Variants in DSCAML1 observed in about 807,000 individuals in gnomAD.
DSCAML1 encodes cell adhesion molecule DSCAML1.
Under a neutral mutation model 200.5 loss-of-function variants are expected in DSCAML1, and 38 were observed. That is an observed-to-expected ratio of 0.19 (90% confidence interval 0.15 to 0.25). DSCAML1 has a LOEUF of 0.25. Among genes scored for constraint, DSCAML1 ranks in the 10% least tolerant of loss-of-function variants. The probability of loss-of-function intolerance (pLI) is 1.00; values close to 1 mark genes in which losing one functional copy is unlikely to be tolerated. For synonymous variants in DSCAML1, 1,215 were observed against 1,165.0 expected, an observed-to-expected ratio of 1.04 and a Z score of -0.87; for missense variants, 2,223 against 2,858.8, an observed-to-expected ratio of 0.78 and a Z score of 5.07.
rs573934930 is a variant in DSCAML1, at chr11:117,713,345, A to G, written c.511+63446T>C. 6.4e-4 allele frequency among the ~76,000 whole-genome samples: 97 copies of G among 152,070 alleles called. 1 individual carries two copies. The highest frequency in any genetic ancestry group is 2.3e-3 in the African/African-American group (94 of 41,514). On this transcript the variant is annotated intron_variant, in intron 3 of 32. Coordinates refer to ENST00000651296, the MANE Select transcript of DSCAML1 (RefSeq NM_020693.4). ...TGGCCAGGCTGGTCTTGAATGCTTG[A>G]CCTCAGGTAATCCACCCGCCTTGAC...
At chr11:117,719,493 G>A (rs1029795994) in intron 3 of DSCAML1, among the ~76,000 whole-genome samples, 20 of 152,316 alleles carry the variant, frequency 1.3e-4, no homozygotes, top group African/African-American at 4.3e-4. Flanking sequence ...GGTTAGGTAC[G>A]TTGACCAAGA....
chr11:117,512,366 C>T (rs894208453), intron 8 of DSCAML1, among the ~76,000 whole-genome samples: 10 of 152,086 alleles, frequency 6.6e-5, no homozygotes, highest in Non-Finnish European at 1.3e-4. Context: ...CTTGGAACAG[C>T]GCATCCGCTA....
In DSCAML1 at chr11:117,656,194, C is replaced by T. The variant is rs184963637; in HGVS notation, c.511+120597G>A. ...CAGAGTTTGCAATGAGCCAAGATCA[C>T]GCCACTGCACTCCAGCCTGGGCGAC... On this transcript the variant is annotated intron_variant, in intron 3 of 32. Transcript: ENST00000651296. Among the ~76,000 whole-genome samples the T allele has an allele frequency of 2.7e-3, 407 of 152,332 alleles. 4 individuals carry two copies. Among genetic ancestry groups the T allele is most frequent in the African/African-American group, 9.2e-3 (384 of 41,580 alleles).
chr11:117,620,208 T>C (rs1201539142), intron 3 of DSCAML1, among the ~76,000 whole-genome samples: 1 of 152,072 alleles, frequency 6.6e-6, no homozygotes, highest in Non-Finnish European at 1.5e-5. Context: ...ACTCTTAAAG[T>C]AGATGAGGAA....
intron 29 of DSCAML1, among the ~76,000 whole-genome samples, chr11:117,432,771 C>A (rs1240357125): frequency 7.8e-6 from 1 of 128,346 alleles, no homozygotes; most frequent in Non-Finnish European, 1.5e-5. Flanking sequence ...TCATGCCTGG[C>A]TATTTTTTTT....
intron 3 of DSCAML1, among the ~76,000 whole-genome samples, chr11:117,545,859 C>A (rs888027116): frequency 6.6e-6 from 1 of 152,230 alleles, no homozygotes; most frequent in African/African-American, 2.4e-5. Context: ...CGAAGCACAG[C>A]GTCACACAAC....
intron 17 of DSCAML1, among the ~76,000 whole-genome samples, 197 bp downstream of exon 17, chr11:117,464,745 G>A (rs180957977): frequency 2.0e-4 from 31 of 152,316 alleles, no homozygotes; most frequent in African/African-American, 6.7e-4. Flanking sequence ...GGAGAGGCCC[G>A]ATATGCTGAA....
intron 11 of DSCAML1, among the ~76,000 whole-genome samples, chr11:117,486,101 A>G (rs1480196872): frequency 3.9e-5 from 6 of 152,244 alleles, no homozygotes; most frequent in African/African-American, 9.6e-5. Context: ...ACCAGACTCC[A>G]TGGAAAAGGC....
rs541873117 is a variant in DSCAML1, at chr11:117,498,263, A to G, written c.2359+5582T>C. 9.1e-4 allele frequency among the ~76,000 whole-genome samples: 139 copies of G among 152,278 alleles called. No homozygotes were observed. The highest frequency in any genetic ancestry group is 3.4e-3 in the Middle Eastern group (1 of 294). ...CTGTGCTGAGAGGGGCCTTGTGAGT[A>G]TAGTGTGTGGACACCCAATCCATGT... On this transcript the variant is annotated intron_variant, in intron 11 of 32. Coordinates refer to ENST00000651296, the MANE Select transcript of DSCAML1 (RefSeq NM_020693.4). The surrounding 1 kb of genome is among the most constrained non-coding windows in gnomAD (Gnocchi z 4.0).
intron 8 of DSCAML1, among the ~76,000 whole-genome samples, chr11:117,515,610 C>CTGTTTTTTTTTTTTTT (rs2049746328): frequency 3.1e-5 from 2 of 65,122 alleles, no homozygotes; most frequent in South Asian, 6.2e-4. Flanking sequence ...AGGGACGAAG[C>CTGTTTTTTTTTTTTTT]TTTTTTTTTT....
chr11:117,684,991 G>T (rs2053380564), intron 3 of DSCAML1, among the ~76,000 whole-genome samples: 1 of 152,376 alleles, frequency 6.6e-6, no homozygotes, highest in East Asian at 1.9e-4. Flanking sequence ...CTTGGCAATA[G>T]AGGAGGTCTC....
chr11:117,788,482 A>G (rs2055403599), intron 1 of DSCAML1, among the ~76,000 whole-genome samples: 1 of 152,056 alleles, frequency 6.6e-6, no homozygotes, highest in Admixed American at 6.5e-5. Context: ...GTGCACCACC[A>G]CGCCTGGCTA....
chr11:117,717,253 G>T (rs1022596039), intron 3 of DSCAML1, among the ~76,000 whole-genome samples: 2 of 151,960 alleles, frequency 1.3e-5, no homozygotes, highest in Non-Finnish European at 2.9e-5. Flanking sequence ...CCACCCTACC[G>T]GTCCCCTCCC....
At chr11:117,609,864 A>G (rs1164337199) in intron 3 of DSCAML1, among the ~76,000 whole-genome samples, 9 of 152,294 alleles carry the variant, frequency 5.9e-5, no homozygotes, top group African/African-American at 2.2e-4. Context: ...AGTGTGGAAC[A>G]GTCTGGAAGA....
chr11:117,552,573 G>A (rs1806554701), intron 3 of DSCAML1, among the ~76,000 whole-genome samples: 1 of 152,142 alleles, frequency 6.6e-6, no homozygotes, highest in African/African-American at 2.4e-5. Context: ...TGAAAACAGA[G>A]ATTAACGAAA....
rs561055429 is a variant in DSCAML1 at position 117,589,411 on chromosome 11, C to G, written c.512-56889G>C. On this transcript the variant is annotated intron_variant, in intron 3 of 32. Transcript: ENST00000651296. The stretch of plus-strand genomic sequence containing the variant: ...CACTCTGCAGGCGGAACACCCCCCT[C>G]CCACCTCCCCCAACTCAATGTGTTT... Among the ~76,000 whole-genome samples the G allele has an allele frequency of 7.2e-5, 11 of 152,278 alleles. No homozygotes were observed. In the East Asian group the frequency reaches 2.1e-3, roughly 29 times the overall value.
At chr11:117,621,144 A>G (rs918551626) in intron 3 of DSCAML1, among the ~76,000 whole-genome samples, 2 of 152,224 alleles carry the variant, frequency 1.3e-5, no homozygotes, top group African/African-American at 2.4e-5. Flanking sequence ...GCCCAGCTCC[A>G]AATTTGCCTC....
At chr11:117,628,914 T>G (rs1015566149) in intron 3 of DSCAML1, among the ~76,000 whole-genome samples, 5 of 152,136 alleles carry the variant, frequency 3.3e-5, no homozygotes, top group Admixed American at 2.6e-4. Context: ...GACTCTAGGC[T>G]GCCTGGCTCC....
chr11:117,459,034 A>G, intron 18 of DSCAML1, 125 bp from the exon 19 acceptor site: 1 of 1,262,502 alleles, frequency 7.9e-7, no homozygotes, highest in Non-Finnish European at 1.1e-6. Flanking sequence ...CATGGTGGCG[A>G]GGACTAGAGG....
Sources: allele counts gnomAD v4.1 joint callset (sites outside exome capture counted in the v4.1 genomes callset), GRCh38; gene constraint gnomAD v4.1.1; non-coding constraint Gnocchi (gnomAD v3.1); transcripts MANE v1.5; gene names NCBI Gene and HGNC (gene_info 2026-07-23, HGNC 2026-07-21).